Variants in MYH9 observed in about 807,000 individuals in gnomAD.
The protein encoded by MYH9 is myosin heavy chain 9.
In MYH9, 29 loss-of-function variants were observed where a neutral mutation model predicts 241.9. The observed-to-expected ratio is 0.12, with a 90% CI of 0.09 to 0.16. The LOEUF (loss-of-function observed/expected upper bound fraction) is 0.16, where lower values mean the gene tolerates loss of function less well. Ranked by LOEUF, MYH9 falls within the 10% of genes least tolerant of loss-of-function variation. MYH9 has a pLI of 1.00. For synonymous variants in MYH9, 1,047 were observed against 1,062.6 expected (o/e 0.99, Z 0.29); for missense variants, 1,803 against 2,595.5 (o/e 0.69, Z 6.63).
intron 1 of MYH9, among the ~76,000 whole-genome samples, chr22:36,355,170 C>T (rs1156563184): frequency 1.3e-5 from 2 of 152,120 alleles, no homozygotes; most frequent in African/African-American, 2.4e-5. Flanking sequence ...GGGTGCCAGT[C>T]CAACTCCAAG....
At chr22:36,291,953 G>T (rs2016711545) in intron 31 of MYH9, 33 bp downstream of exon 31, 1 of 1,613,718 alleles carries the variant, frequency 6.2e-7, no homozygotes, top group African/African-American at 1.3e-5. Context: ...TGAAGGAGAG[G>T]AAATGCAAAG....
At chr22:36,286,053 C>T in intron 35 of MYH9, 100 bp from the exon 36 acceptor site, 2 of 1,277,402 alleles carry the variant, frequency 1.6e-6, no homozygotes, top group East Asian at 4.8e-5. Flanking sequence ...TTCCCCAGGC[C>T]CACCTCCCCA....
At chr22:36,336,755 A>G (rs986104741) in intron 3 of MYH9, among the ~76,000 whole-genome samples, 2 of 152,196 alleles carry the variant, frequency 1.3e-5, no homozygotes, top group Non-Finnish European at 1.5e-5. Context: ...ACACCTGACA[A>G]AACTCCCAGG....
At chr22:36,383,706 C>T (rs1413447309) in intron 1 of MYH9, among the ~76,000 whole-genome samples, 7 of 151,356 alleles carry the variant, frequency 4.6e-5, no homozygotes, top group African/African-American at 1.7e-4. Flanking sequence ...GCCTGTAATC[C>T]TAACACTTTG....
intron 1 of MYH9, among the ~76,000 whole-genome samples, chr22:36,369,251 C>A (rs1427523757): frequency 6.6e-6 from 1 of 152,250 alleles, no homozygotes; most frequent in African/African-American, 2.4e-5. Context: ...GTCCACAGAA[C>A]TAACCCCAGG....
intron 2 of MYH9, among the ~76,000 whole-genome samples, chr22:36,348,668 A>G (rs1310346158): frequency 6.6e-6 from 1 of 152,104 alleles, no homozygotes; most frequent in Non-Finnish European, 1.5e-5. Context: ...GTATGTTCTA[A>G]AACAGGCTTC....
At position 36,312,221 on chromosome 22, in the gene MYH9, G is replaced by A. The variant is rs1266169478; in HGVS notation, c.1556C>T (p.Ala519Val). The change falls in exon 14 of 41, where the codon GCA becomes GTA. Residue 519 changes from alanine (A) to valine (V), a missense_variant and splice_region_variant. By Grantham distance (64) the Ala-to-Val change is moderately conservative (BLOSUM62 0). Around this residue, in one of 11 missense-constraint regions of MYH9, gnomAD observed 163 missense variants for 349.7 expected, o/e 0.47. Coordinates refer to ENST00000216181, the MANE Select transcript of MYH9 (RefSeq NM_002473.6). ...CAGGGCCAGAATGCCCGGGGGGCCT[G>A]CCTGGAGGAAGCGCAGCATCAGCAC... is the stretch of plus-strand genomic sequence containing the variant. ...QPCIDLIEKP[A>V]GPPGILALLD... is the part of the protein sequence containing the mutation. The A allele has an allele frequency of 6.2e-7, 1 of 1,614,014 alleles. No individual in the cohort carries two copies. Among genetic ancestry groups the A allele is most frequent in the South Asian group, 1.1e-5 (1 of 91,086 alleles).
At chr22:36,284,901 C>A (rs1012788125) in intron 38 of MYH9, among the ~76,000 whole-genome samples, 2 of 152,214 alleles carry the variant, frequency 1.3e-5, no homozygotes, top group Non-Finnish European at 2.9e-5. Flanking sequence ...GCCACCAAAA[C>A]TCCTGGCTTT....
intron 5 of MYH9, among the ~76,000 whole-genome samples, chr22:36,325,969 C>T (rs2017329802): frequency 6.6e-6 from 1 of 152,202 alleles, no homozygotes; most frequent in Non-Finnish European, 1.5e-5. Context: ...CAAGGGCACA[C>T]GATGGGCAGA....
chr22:36,311,947 C>T (rs1275042149), intron 14 of MYH9, 102 bp downstream of exon 14: 17 of 1,426,750 alleles, frequency 1.2e-5, no homozygotes, highest in Non-Finnish European at 1.6e-5. Context: ...TCAGGTCACA[C>T]CCCTGCGTCC....
Position 36,320,299 on chromosome 22 carries a change from G to A in MYH9, c.933C>T (p.Pro311=), listed in dbSNP as rs202045249. The A allele has an allele frequency of 6.6e-5, 107 of 1,614,206 alleles. No homozygotes were observed. The Admixed American group carries it at 1.1e-3, about 17-fold the overall frequency. The change falls in exon 9 of 41, where the codon CCC becomes CCT. Residue 311 remains proline (P), a synonymous_variant. Coordinates refer to ENST00000216181, the MANE Select transcript of MYH9 (RefSeq NM_002473.6). This position sits in a 1 kb window ranked among gnomAD's most constrained non-coding sequence, Gnocchi z 4.8. ...RFLSNGHVTI[P]GQQDKDMFQE... is the part of the protein sequence containing the mutation. Reference sequence around the variant, plus strand: ...GGAACATGTCCTTGTCCTGCTGCCCGGGGATGGTGACGTGTCCATTGGACA... The same window carrying A: ...GGAACATGTCCTTGTCCTGCTGCCCAGGGATGGTGACGTGTCCATTGGACA...
At chr22:36,363,960 G>A (rs531750424) in intron 1 of MYH9, among the ~76,000 whole-genome samples, 5 of 152,320 alleles carry the variant, frequency 3.3e-5, no homozygotes, top group African/African-American at 9.6e-5. Flanking sequence ...TGATAGAATG[G>A]TTTTTCTTTC....
rs963115161 is a variant in MYH9, at chr22:36,288,620, C to A, written c.4770+107G>T. On this transcript the variant is annotated intron_variant, in intron 33 of 40. Transcript: ENST00000216181. The surrounding 1 kb of genome is among the most constrained non-coding windows in gnomAD (Gnocchi z 4.8). Reference sequence around the variant, plus strand: ...GAAAGAAGGAATATGGGAGGGGAGGCGTGGTCAAGGGGCCCTAACACAATC... The same window carrying A: ...GAAAGAAGGAATATGGGAGGGGAGGAGTGGTCAAGGGGCCCTAACACAATC... The A allele has an allele frequency of 2.1e-6, 3 of 1,404,126 alleles. No individual in the cohort carries two copies. The Admixed American group carries it at 5.0e-5, about 24-fold the overall frequency. The allele number at this position is 1,404,126 out of a possible 1,614,324, so 87.0% of individuals were successfully genotyped here.
chr22:36,375,652 C>A (rs1452694298), intron 1 of MYH9, among the ~76,000 whole-genome samples: 3 of 152,196 alleles, frequency 2.0e-5, no homozygotes, highest in Non-Finnish European at 4.4e-5. Flanking sequence ...GTCTCCCCAT[C>A]TGCAAAATGA....
intron 1 of MYH9, among the ~76,000 whole-genome samples, chr22:36,383,578 G>C (rs2018290950): frequency 6.6e-6 from 1 of 151,004 alleles, no homozygotes. Context: ...CTAGAAGCCA[G>C]GAAAACAATC....
intron 12 of MYH9, among the ~76,000 whole-genome samples, chr22:36,314,683 C>A (rs1020424962): frequency 2.0e-5 from 3 of 151,082 alleles, no homozygotes; most frequent in Non-Finnish European, 2.9e-5. Context: ...GAGTCTCATT[C>A]TGTCACCCAG....
rs186298217 is a variant in MYH9 at position 36,381,916 on chromosome 22, G to A, written c.-20+5891C>T. Among the ~76,000 whole-genome samples, 10 of 152,316 alleles carry A rather than the reference G, an allele frequency of 6.6e-5. No homozygotes were observed. The East Asian group carries it at 1.9e-3, about 29-fold the overall frequency. On this transcript the variant is annotated intron_variant, in intron 1 of 40. Coordinates refer to ENST00000216181, the MANE Select transcript of MYH9 (RefSeq NM_002473.6). ...TCAGCACATCTGAGTTTATCTGTGA[G>A]ATGAATTCCTAGAATATAGTCGGAA...
chr22:36,376,890 C>T (rs1431103298), intron 1 of MYH9, among the ~76,000 whole-genome samples: 3 of 152,172 alleles, frequency 2.0e-5, no homozygotes, highest in Non-Finnish European at 4.4e-5. Flanking sequence ...TGGTGAAACC[C>T]TGTCTCTACT....
intron 1 of MYH9, among the ~76,000 whole-genome samples, chr22:36,382,818 T>G (rs998306061): frequency 2.0e-5 from 3 of 151,288 alleles, no homozygotes; most frequent in Non-Finnish European, 2.9e-5. Flanking sequence ...AAGAAATAAA[T>G]AAATAAATAA....
Sources: allele counts gnomAD v4.1 joint callset (sites outside exome capture counted in the v4.1 genomes callset), GRCh38; gene constraint gnomAD v4.1.1; regional missense constraint gnomAD v4.1.1; non-coding constraint Gnocchi (gnomAD v3.1); transcripts MANE v1.5; gene names NCBI Gene and HGNC (gene_info 2026-07-23, HGNC 2026-07-21).